The following RYR2 variants were observed in gnomAD, a reference collection of about 807,000 sequenced individuals.
RYR2 encodes the protein cardiac muscle ryanodine receptor-calcium release channel.
Under a neutral mutation model 601.1 loss-of-function variants are expected in RYR2, and 227 were observed. The ratio of observed to expected loss-of-function variants is 0.38; its 90% CI spans 0.34 to 0.42. The LOEUF (loss-of-function observed/expected upper bound fraction) is 0.42, where lower values mean the gene tolerates loss of function less well. Among genes scored for constraint, RYR2 ranks in the 10% least tolerant of loss-of-function variants. The pLI, the probability that RYR2 is intolerant of heterozygous loss-of-function variation, is 1.00. For missense variants in RYR2, 4,646 were observed against 6,156.5 expected (o/e 0.75, Z 8.21); for synonymous variants, 2,223 against 2,175.1 (o/e 1.02, Z -0.61).
At chr1:237,641,981 TA>T (rs5781977) in intron 47 of RYR2, among the ~76,000 whole-genome samples, 1 of 151,868 alleles carries the variant, frequency 6.6e-6, no homozygotes, top group African/African-American at 2.4e-5. Context: ...TATATTCATT[TA>T]AAAAAAAATC....
rs776298297 is a variant in RYR2, at chr1:237,783,930, A to G, written c.12218A>G (p.Asp4073Gly). ...TTTCTTTTGTCTTGTGCGGAGACGG[A>G]TGAGAATGAAACCCTCGACTACGAA... ...TEFLLSCAET[D>G]ENETLDYEEF... is the part of the protein sequence containing the mutation. The change falls in exon 90 of 105, where the codon GAT becomes GGT. Residue 4073 changes from aspartate (D) to glycine (G), a missense_variant. By Grantham distance (94) the Asp-to-Gly change is moderately conservative. Around this residue, in one of 17 missense-constraint regions of RYR2, gnomAD observed 66 missense variants for 80.7 expected, o/e 0.82. Coordinates refer to ENST00000366574, the MANE Select transcript of RYR2 (RefSeq NM_001035.3). 1 of 1,613,568 alleles carries G rather than the reference A, an allele frequency of 6.2e-7. No individual in the cohort carries two copies. Among genetic ancestry groups the G allele is most frequent in the South Asian group, 1.1e-5 (1 of 91,014 alleles).
At chr1:237,280,945 T>A (rs538458856) in intron 2 of RYR2, among the ~76,000 whole-genome samples, 3 of 152,086 alleles carry the variant, frequency 2.0e-5, no homozygotes, top group African/African-American at 7.2e-5. Flanking sequence ...CCACCACACC[T>A]GGCTAATTTT....
At chr1:237,108,484 C>T (rs779704497) in intron 1 of RYR2, among the ~76,000 whole-genome samples, 4 of 152,220 alleles carry the variant, frequency 2.6e-5, no homozygotes, top group Non-Finnish European at 4.4e-5. Flanking sequence ...GGAGCAGGGC[C>T]GCTGGAGCAG....
chr1:237,169,466 T>A (rs1677101161), intron 1 of RYR2, among the ~76,000 whole-genome samples: 1 of 151,992 alleles, frequency 6.6e-6, no homozygotes, highest in Admixed American at 6.6e-5. Flanking sequence ...GCCTGGCTAA[T>A]TTTTTGTATT....
chr1:237,542,187 G>A (rs1572797563), intron 25 of RYR2, among the ~76,000 whole-genome samples: 1 of 151,922 alleles, frequency 6.6e-6, no homozygotes, highest in Non-Finnish European at 1.5e-5. Flanking sequence ...TCCGCCTCCC[G>A]GGTTCAAGCG....
rs115881193 is a variant in RYR2 at position 237,654,626 on chromosome 1, C to T, written c.7965+212C>T. On this transcript the variant is annotated intron_variant, in intron 52 of 104. Transcript: ENST00000366574. ...GGTAGCATTTTCCTTGTGATCATAA[C>T]ACTGTTTCTGAATATAAAATGGCTA... Among the ~76,000 whole-genome samples the T allele has an allele frequency of 2.0e-3, 310 of 152,246 alleles. 1 individual carries two copies. Among genetic ancestry groups the T allele is most frequent in the Middle Eastern group, 6.8e-3 (2 of 292 alleles).
chr1:237,780,921 G>A lies in RYR2; in HGVS notation c.11881-644G>A, dbSNP rs1178224680. ...TAGAAAGTTAGAAGAAAAAAATGCA[G>A]GCTTTTCAAATAAAAGATAAGATAG... On this transcript the variant is annotated intron_variant, in intron 88 of 104. Transcript: ENST00000366574. Among the ~76,000 whole-genome samples, 18 of 152,270 alleles carry A rather than the reference G, an allele frequency of 1.2e-4. No homozygotes were observed. The East Asian group carries it at 3.5e-3, about 29-fold the overall frequency.
intron 2 of RYR2, among the ~76,000 whole-genome samples, chr1:237,283,788 A>T (rs1238110818): frequency 2.0e-5 from 3 of 152,192 alleles, no homozygotes; most frequent in Non-Finnish European, 4.4e-5. Context: ...GTAATATTTA[A>T]TTTACTACTT....
At chr1:237,336,299 A>G (rs535472535) in intron 3 of RYR2, among the ~76,000 whole-genome samples, 6 of 152,224 alleles carry the variant, frequency 3.9e-5, no homozygotes, top group South Asian at 2.1e-4. Context: ...GCAATTCCTT[A>G]AAATTTTAAT....
chr1:237,582,960 G>T lies in RYR2; in HGVS notation c.3599-6833G>T, dbSNP rs548751657. ...TATATACCCAGTAATGGGATTGCTA[G>T]GTTGAATGGTAGTTCTGTTTTAAGT... On this transcript the variant is annotated intron_variant, in intron 29 of 104. Transcript: ENST00000366574. Among the ~76,000 whole-genome samples, 9 of 148,716 alleles carry T rather than the reference G, an allele frequency of 6.1e-5. No individual in the cohort carries two copies. The South Asian group carries it at 1.7e-3, about 28-fold the overall frequency.
At chr1:237,351,082 GAAAT>G (rs1698802145) in intron 3 of RYR2, among the ~76,000 whole-genome samples, 1 of 152,012 alleles carries the variant, frequency 6.6e-6, no homozygotes, top group South Asian at 2.1e-4. Context: ...AATTCAGTAA[GAAAT>G]AAGTAACAAA....
chr1:237,550,577 C>G lies in RYR2; in HGVS notation c.3100C>G (p.Pro1034Ala), dbSNP rs1469826924. ...VKNRRNPRLV[P>A]YTLLDDRTKK... Reference sequence around the variant, plus strand: ...GAACAGAAGAAATCCTCGCCTTGTTCCCTACACTCTTCTGGATGACCGAAC... The same window carrying G: ...GAACAGAAGAAATCCTCGCCTTGTTGCCTACACTCTTCTGGATGACCGAAC... The change falls in exon 27 of 105, where the codon CCC becomes GCC. Residue 1034 changes from proline to alanine, a missense_variant. By Grantham distance (27) the Pro-to-Ala change is conservative. Transcript: ENST00000366574. 1.9e-6 allele frequency: 3 copies of G among 1,608,828 alleles called. No homozygotes were observed. Among genetic ancestry groups the G allele is most frequent in the Non-Finnish European group, 2.5e-6 (3 of 1,177,602 alleles).
chr1:237,182,103 G>GTTTATTTA (rs71698093), intron 1 of RYR2, among the ~76,000 whole-genome samples: 54,398 of 148,374 alleles, frequency 0.37, 12,017 homozygotes, highest in Non-Finnish European at 0.49. Flanking sequence ...ACTCCCTGGG[G>GTTTATTTA]TTTATTTATT....
intron 1 of RYR2, among the ~76,000 whole-genome samples, chr1:237,135,671 C>T (rs1008192191): frequency 1.4e-4 from 22 of 152,044 alleles, no homozygotes; most frequent in African/African-American, 3.9e-4. Flanking sequence ...CCACCGCGCC[C>T]GGCCCCCCTC....
At chr1:237,101,625 T>TAATA (rs1668116263) in intron 1 of RYR2, among the ~76,000 whole-genome samples, 1 of 152,166 alleles carries the variant, frequency 6.6e-6, no homozygotes, top group Admixed American at 6.5e-5. Flanking sequence ...AGAAGCTAAT[T>TAATA]AATAGTACAA....
At chr1:237,757,566 T>C (rs914530702) in intron 81 of RYR2, 131 bp from the exon 82 acceptor site, 1 of 539,822 alleles carries the variant, frequency 1.9e-6, no homozygotes, top group Admixed American at 3.2e-5. Flanking sequence ...CATAAGTCAG[T>C]CTCCCTATGC....
chr1:237,504,997 A>G (rs953362595), intron 22 of RYR2, among the ~76,000 whole-genome samples: 1 of 152,208 alleles, frequency 6.6e-6, no homozygotes, highest in African/African-American at 2.4e-5. Flanking sequence ...TATAGGAAAC[A>G]TGGAGTTTTC....
chr1:237,396,553 C>G (rs2149900598), intron 10 of RYR2, among the ~76,000 whole-genome samples: 1 of 152,304 alleles, frequency 6.6e-6, no homozygotes, highest in East Asian at 1.9e-4. Flanking sequence ...AAGCAGCCAG[C>G]AGTCCCTGTG....
At chr1:237,444,875 CT>C (rs1399682886) in intron 13 of RYR2, among the ~76,000 whole-genome samples, 2 of 152,042 alleles carry the variant, frequency 1.3e-5, no homozygotes, top group Admixed American at 1.3e-4. Context: ...TTGTTCAGTG[CT>C]TATTATTGAC....
Sources: allele counts gnomAD v4.1 joint callset (sites outside exome capture counted in the v4.1 genomes callset), GRCh38; gene constraint gnomAD v4.1.1; regional missense constraint gnomAD v4.1.1; transcripts MANE v1.5; gene names NCBI Gene and HGNC (gene_info 2026-07-23, HGNC 2026-07-21).